The following LYPD5 variants were observed in gnomAD, a reference collection of about 807,000 sequenced individuals.
The protein encoded by LYPD5 is LY6/PLAUR domain containing 5.
Under a neutral mutation model 19.1 loss-of-function variants are expected in LYPD5, and 21 were observed. The ratio of observed to expected loss-of-function variants is 1.10; its 90% CI spans 0.78 to 1.58. The LOEUF is 1.58. Among genes scored for constraint, LYPD5 ranks in the 40% most tolerant of loss-of-function variants. The pLI, the probability that LYPD5 is intolerant of heterozygous loss-of-function variation, is 0.00. For synonymous variants in LYPD5, 128 were observed against 142.7 expected (o/e 0.90, Z 0.74); for missense variants, 287 against 329.8 (o/e 0.87, Z 1.00).
rs773971333 is a variant in LYPD5, at chr19:43,798,528, G to A, written c.444C>T (p.Ile148=). 3.2e-5 allele frequency: 51 copies of A among 1,611,782 alleles called. No individual in the cohort carries two copies. Among genetic ancestry groups the A allele is most frequent in the Non-Finnish European group, 4.2e-5 (50 of 1,180,038 alleles). The change falls in exon 4 of 5, where the codon ATC becomes ATT. Residue 148 remains isoleucine, a synonymous_variant. Transcript: ENST00000377950. The part of the protein sequence containing the change: ...CIGVHQDDCA[I]GRSRRVQCHQ... Reference sequence around the variant, plus strand: ...GACACTGGACTCGTCGGGACCTGCCGATAGCGCAGTCATCCTGGTGGACCC... The same window carrying A: ...GACACTGGACTCGTCGGGACCTGCCAATAGCGCAGTCATCCTGGTGGACCC...
At chr19:43,814,480 A>G (rs571486478) in intron 1 of LYPD5, among the ~76,000 whole-genome samples, 117 of 151,248 alleles carry the variant, frequency 7.7e-4, no homozygotes, top group African/African-American at 2.6e-3. Context: ...GGTAACAGAG[A>G]AAGACCTGTC....
chr19:43,816,067 T>TATCTATCTATCTATCTATCA (rs1555729545), intron 1 of LYPD5, among the ~76,000 whole-genome samples: 11 of 152,032 alleles, frequency 7.2e-5, no homozygotes, highest in African/African-American at 2.7e-4. Flanking sequence ...TCTATCTATC[T>TATCTATCTATCTATCTATCA]ATCTATCTAT....
At chr19:43,813,494 C>A (rs527679950) in intron 1 of LYPD5, among the ~76,000 whole-genome samples, 2 of 152,220 alleles carry the variant, frequency 1.3e-5, no homozygotes, top group East Asian at 3.9e-4. Context: ...CTCCGGCATT[C>A]CCTTATTGCA....
upstream of LYPD5, chr19:43,802,564 G>GTCCACC: frequency 6.9e-6 from 2 of 288,976 alleles, no homozygotes; most frequent in Non-Finnish European, 1.2e-5. Flanking sequence ...CTCAGTTGCT[G>GTCCACC]GAGATCTACA....
At position 43,799,772 on chromosome 19, in the gene LYPD5, C is replaced by A. The variant is rs1196386782; in HGVS notation, c.127G>T (p.Ala43Ser). Residue 43 changes from alanine (A) to serine (S), a missense_variant, in exon 2 of 5, where the codon GCC becomes TCC. Physicochemically the swap from Ala to Ser is moderately conservative, Grantham distance 99 (BLOSUM62 1). Coordinates refer to ENST00000377950, the MANE Select transcript of LYPD5 (RefSeq NM_001031749.3). ...HTYFGPFDLRAMKLPSISCPH... is the reference protein window; with the variant it reads ...HTYFGPFDLRSMKLPSISCPH... ...CAGGAGATGCTGGGCAGCTTCATGGCCCTGAGGTCAAAGGGGCCAAAGTAG... is the reference window on the plus strand; with the variant it reads ...CAGGAGATGCTGGGCAGCTTCATGGACCTGAGGTCAAAGGGGCCAAAGTAG... The A allele has an allele frequency of 6.2e-7, 1 of 1,613,928 alleles. No individual in the cohort carries two copies. The highest frequency in any genetic ancestry group is 1.1e-5 in the South Asian group (1 of 91,028).
rs1348588208 is a variant in LYPD5 at position 43,797,622 on chromosome 19, G to A, written c.725C>T (p.Pro242Leu). The A allele has an allele frequency of 4.3e-6, 7 of 1,611,084 alleles. No homozygotes were observed. Among genetic ancestry groups the A allele is most frequent in the Middle Eastern group, 3.3e-4 (2 of 6,012 alleles). The change falls in exon 5 of 5, where the codon CCA becomes CTA. Residue 242 changes from proline (P) to leucine (L), a missense_variant. By Grantham distance (98) the Pro-to-Leu change is moderately conservative. Transcript: ENST00000377950. ...TGAGAGCCCCACCAGCAGGAGGACT[G>A]GGAGGAGCAGGGCCAGGACCTGTAG... The part of the protein sequence containing the change: ...RALQVLALLL[P>L]VLLLVGLSA
In LYPD5 at chr19:43,798,512, CTCG is replaced by C; in HGVS notation, c.457_459del (p.Arg153del). The C allele has an allele frequency of 6.2e-7, 1 of 1,610,046 alleles. No individual in the cohort carries two copies. Among genetic ancestry groups the C allele is most frequent in the Non-Finnish European group, 8.5e-7 (1 of 1,180,010 alleles). On this transcript the variant is annotated inframe_deletion, in exon 4 of 5. Coordinates refer to ENST00000377950, the MANE Select transcript of LYPD5 (RefSeq NM_001031749.3). Reference sequence around the variant, plus strand: ...GCGGTCTGGTCCTGGTGACACTGGACTCGTCGGGACCTGCCGATAGCGCAGTCA... The same window carrying C: ...GCGGTCTGGTCCTGGTGACACTGGACTCGGGACCTGCCGATAGCGCAGTCA...
chr19:43,816,778 G>A (rs376817429), intron 1 of LYPD5, among the ~76,000 whole-genome samples: 31 of 152,184 alleles, frequency 2.0e-4, no homozygotes, highest in Non-Finnish European at 3.8e-4. Context: ...GGAGGAACCC[G>A]GTGAGAGATA....
rs1357188279 is a variant in LYPD5, at chr19:43,799,708, G to A, written c.191C>T (p.Thr64Ile). The A allele has an allele frequency of 1.2e-6, 2 of 1,612,974 alleles. No homozygotes were observed. Among genetic ancestry groups the A allele is most frequent in the African/African-American group, 2.7e-5 (2 of 74,808 alleles). ...GTCCCCCGGCTCCCGCTCCTTACCG[G>A]TGTCCAGAGACAGGATAGCCTCAAA... ...ECFEAILSLD[T>I]GYRAPVTLVR... The change falls in exon 2 of 5, where the codon ACC (threonine) becomes ATC (isoleucine). Residue 64 changes from threonine (T) to isoleucine (I), a missense_variant and splice_region_variant. By Grantham distance (89) the Thr-to-Ile change is moderately conservative. Coordinates refer to ENST00000377950, the MANE Select transcript of LYPD5 (RefSeq NM_001031749.3).
At chr19:43,816,836 A>G (rs1248899203) in intron 1 of LYPD5, among the ~76,000 whole-genome samples, 2 of 144,268 alleles carry the variant, frequency 1.4e-5, no homozygotes, top group Non-Finnish European at 2.9e-5. Context: ...ATGATAGTGA[A>G]TAAGTATTAT....
In LYPD5 at chr19:43,798,858, G is replaced by C. The variant is rs1487434089; in HGVS notation, c.324C>G (p.Cys108Trp). 3 of 1,610,530 alleles carry C rather than the reference G, an allele frequency of 1.9e-6. No homozygotes were observed. Among genetic ancestry groups the C allele is most frequent in the East Asian group, 2.2e-5 (1 of 44,740 alleles). ...SVVRGCTTDKCNAHLMTHDAL... is the reference protein window; with the variant it reads ...SVVRGCTTDKWNAHLMTHDAL... ...CGTCATGAGTCATGAGGTGGGCGTTGCATTTGTCAGTTGTGCAGCCGCGCA... is the reference window on the plus strand; with the variant it reads ...CGTCATGAGTCATGAGGTGGGCGTTCCATTTGTCAGTTGTGCAGCCGCGCA... Residue 108 changes from cysteine (C) to tryptophan (W), a missense_variant, in exon 3 of 5, where the codon TGC (cysteine) becomes TGG (tryptophan). Cys to Trp is a radical substitution (Grantham distance 215). Coordinates refer to ENST00000377950, the MANE Select transcript of LYPD5 (RefSeq NM_001031749.3).
At chr19:43,817,752 C>T (rs926775501) in intron 1 of LYPD5, among the ~76,000 whole-genome samples, 6 of 150,824 alleles carry the variant, frequency 4.0e-5, no homozygotes, top group African/African-American at 1.5e-4. Flanking sequence ...GAGTCTCACT[C>T]TGTCACCAGG....
At chr19:43,810,616 T>G (rs1970314482) in intron 1 of LYPD5, among the ~76,000 whole-genome samples, 1 of 133,490 alleles carries the variant, frequency 7.5e-6, no homozygotes, top group South Asian at 2.7e-4. Context: ...CTTCCCTTCC[T>G]TTCTTTCCGT....
At chr19:43,819,668 G>T (rs1004920416) in intron 1 of LYPD5, among the ~76,000 whole-genome samples, 6 of 152,204 alleles carry the variant, frequency 3.9e-5, no homozygotes, top group Non-Finnish European at 8.8e-5. Flanking sequence ...CCCCCAAGTT[G>T]CCTTTTTAGT....
In LYPD5 at chr19:43,797,697, G is replaced by T. The variant is rs763874733; in HGVS notation, c.650C>A (p.Ser217Tyr). The change falls in exon 5 of 5, where the codon TCC (serine) becomes TAC (tyrosine). Residue 217 changes from serine to tyrosine, a missense_variant. Coordinates refer to ENST00000377950, the MANE Select transcript of LYPD5 (RefSeq NM_001031749.3). ...AGCACTGGTGAAGGGCTGGGTCATGGATTTCCTGTTGCAGAGGTACCCCTC... is the reference window on the plus strand; with the variant it reads ...AGCACTGGTGAAGGGCTGGGTCATGTATTTCCTGTTGCAGAGGTACCCCTC... Reference protein sequence around the residue: ...CCEGYLCNRKSMTQPFTSASA... With the variant: ...CCEGYLCNRKYMTQPFTSASA... 5.0e-6 allele frequency: 8 copies of T among 1,613,824 alleles called. No homozygotes were observed. Among genetic ancestry groups the T allele is most frequent in the Non-Finnish European group, 6.8e-6 (8 of 1,179,904 alleles).
chr19:43,812,378 A>ATCT (rs1568406587), intron 1 of LYPD5, among the ~76,000 whole-genome samples: 1,675 of 54,912 alleles, frequency 0.031, 14 homozygotes, highest in African/African-American at 0.046. Context: ...TCTATCTATC[A>ATCT]ATCTATCATC....
upstream of LYPD5, among the ~76,000 whole-genome samples, chr19:43,803,860 C>T (rs997212419): frequency 2.6e-5 from 4 of 152,064 alleles, no homozygotes; most frequent in Admixed American, 2.0e-4. Flanking sequence ...CTTTTTGAGA[C>T]GGCGTCTCAC....
intron 1 of LYPD5, among the ~76,000 whole-genome samples, chr19:43,811,536 A>G (rs1970323435): frequency 6.6e-6 from 1 of 152,158 alleles, no homozygotes; most frequent in Non-Finnish European, 1.5e-5. Context: ...AAATACAAAA[A>G]TTAGCCTGAT....
rs912966567 is a variant in LYPD5 at position 43,812,947 on chromosome 19, G to GT, written c.-66+7592_-66+7593insA. ...GGCACACTGGCGGGAGTGTCTTATG[G>GT]AAAGCTGCTTCCACCCAGGCCCTGT... On this transcript the variant is annotated intron_variant, in intron 1 of 4. Transcript: ENST00000414615. 3.9e-5 allele frequency among the ~76,000 whole-genome samples: 6 copies of GT among 152,182 alleles called. 1 individual carries two copies. Among genetic ancestry groups the GT allele is most frequent in the Admixed American group, 3.9e-4 (6 of 15,278 alleles).
Sources: allele counts gnomAD v4.1 joint callset (sites outside exome capture counted in the v4.1 genomes callset), GRCh38; gene constraint gnomAD v4.1.1; transcripts MANE v1.5; gene names NCBI Gene and HGNC (gene_info 2026-07-23, HGNC 2026-07-21).